CACNA1B: variants seen among roughly 807,000 people sequenced by gnomAD.
CACNA1B encodes calcium voltage-gated channel subunit alpha1 B.
A neutral mutation model predicts 247.2 loss-of-function variants in CACNA1B; 70 were observed. The observed-to-expected ratio is 0.28, with a 90% CI of 0.23 to 0.35. CACNA1B has a LOEUF of 0.35. CACNA1B is among the 10% of genes least tolerant of loss of function. CACNA1B has a pLI of 1.00. For missense variants in CACNA1B, 2,367 were observed against 3,197.4 expected, an observed-to-expected ratio of 0.74 and a Z score of 6.26; for synonymous variants, 1,231 against 1,294.4, an observed-to-expected ratio of 0.95 and a Z score of 1.05.
intron 24 of CACNA1B, among the ~76,000 whole-genome samples, chr9:138,049,681 G>A (rs2133484825): frequency 6.6e-6 from 1 of 152,322 alleles, no homozygotes; most frequent in African/African-American, 2.4e-5. Flanking sequence ...AGGGTCCTTG[G>A]AGGCAACTTC....
At chr9:137,894,322 T>C (rs1329566011) in intron 3 of CACNA1B, among the ~76,000 whole-genome samples, 2 of 150,814 alleles carry the variant, frequency 1.3e-5, no homozygotes, top group African/African-American at 2.5e-5. Context: ...TTTTTTTTTT[T>C]TTGATTCTGA....
At chr9:137,903,111 C>A (rs751328184) in intron 3 of CACNA1B, among the ~76,000 whole-genome samples, 2 of 152,150 alleles carry the variant, frequency 1.3e-5, no homozygotes, top group African/African-American at 2.4e-5. Context: ...AACTCTTCAC[C>A]GGTGGCTCAC....
chr9:138,032,012 G>A (rs1024204230), intron 20 of CACNA1B, among the ~76,000 whole-genome samples: 1 of 151,756 alleles, frequency 6.6e-6, no homozygotes, highest in African/African-American at 2.4e-5. Context: ...GATATATTAG[G>A]GCTTAAGTCT....
chr9:138,088,506 T>C (rs1960774946), intron 36 of CACNA1B, among the ~76,000 whole-genome samples: 1 of 152,060 alleles, frequency 6.6e-6, no homozygotes, highest in South Asian at 2.1e-4. Flanking sequence ...AAAGGATCAT[T>C]AGTGACTATT....
At chr9:138,066,754 GAAA>G (rs1433467771) in intron 31 of CACNA1B, among the ~76,000 whole-genome samples, 25 of 152,168 alleles carry the variant, frequency 1.6e-4, no homozygotes, top group African/African-American at 4.6e-4. Context: ...TACTCAGAAA[GAAA>G]TTTACAGCCT....
rs1960156325 is a variant in CACNA1B at position 138,072,183 on chromosome 9, T to G, written c.4675-1305T>G. On this transcript the variant is annotated intron_variant, in intron 32 of 46. Coordinates refer to ENST00000371372, the MANE Select transcript of CACNA1B (RefSeq NM_000718.4). This position sits in a 1 kb window ranked among gnomAD's most constrained non-coding sequence, Gnocchi z 4.5. ...TCCTTGTGCCCACTGGCCATGGATATCATTCAAAACCAGTCCTGCTCCCAC... is the reference window on the plus strand; with the variant it reads ...TCCTTGTGCCCACTGGCCATGGATAGCATTCAAAACCAGTCCTGCTCCCAC... Among the ~76,000 whole-genome samples the G allele has an allele frequency of 6.6e-6, 1 of 152,184 alleles. No homozygotes were observed.
At chr9:137,945,443 G>A (rs989417208) in intron 6 of CACNA1B, among the ~76,000 whole-genome samples, 4 of 152,246 alleles carry the variant, frequency 2.6e-5, no homozygotes, top group African/African-American at 4.8e-5. Context: ...TGTCAGATAT[G>A]TCTGACCTTA....
Position 138,073,506 on chromosome 9 carries a change from A to G in CACNA1B, c.4693A>G (p.Ser1565Gly), listed in dbSNP as rs746571839. 1 of 1,611,912 alleles carries G rather than the reference A, an allele frequency of 6.2e-7. No individual in the cohort carries two copies. Among genetic ancestry groups the G allele is most frequent in the South Asian group, 1.1e-5 (1 of 91,012 alleles). Residue 1565 changes from serine to glycine, a missense_variant, in exon 33 of 47, where the codon AGC becomes GGC. By Grantham distance (56) the Ser-to-Gly change is moderately conservative (BLOSUM62 0). This residue lies in a region of CACNA1B where 436 missense variants were observed against 679.5 expected (regional missense o/e 0.64). Transcript: ENST00000371372. The surrounding 1 kb of genome is among the most constrained non-coding windows in gnomAD (Gnocchi z 6.4). ...IAETNNFINL[S>G]FLRLFRAARL... The stretch of plus-strand genomic sequence containing the variant: ...TCTGCAGAACAATTTCATCAACCTC[A>G]GCTTCCTCCGCCTCTTTCGAGCTGC...
chr9:138,094,605 C>T (rs1465737311), intron 36 of CACNA1B, among the ~76,000 whole-genome samples: 1 of 152,124 alleles, frequency 6.6e-6, no homozygotes, highest in African/African-American at 2.4e-5. Context: ...ACTTATATCC[C>T]TTATGAATAT....
intron 15 of CACNA1B, among the ~76,000 whole-genome samples, chr9:137,996,397 G>T (rs545450659): frequency 6.6e-6 from 1 of 152,222 alleles, no homozygotes; most frequent in Non-Finnish European, 1.5e-5. Flanking sequence ...TATTGTAAGT[G>T]AAGTAAGTCA....
intron 39 of CACNA1B, among the ~76,000 whole-genome samples, chr9:138,109,665 A>G (rs1961554699): frequency 6.6e-6 from 1 of 152,218 alleles, no homozygotes; most frequent in Non-Finnish European, 1.5e-5. Flanking sequence ...CTACATGTGG[A>G]CTGGAGTTGG....
Position 138,088,959 on chromosome 9 carries a change from CAAAAAAAAAAAAAAA to C in CACNA1B, c.5095-7504_5095-7490del, listed in dbSNP as rs56112600. On this transcript the variant is annotated intron_variant, in intron 36 of 46. Transcript: ENST00000371372. ...GGACAACAAGAGCAAAACTCCGTCTCAAAAAAAAAAAAAAAAAAAAAAAAAAAAAAAAAAATCCCA... is the reference window on the plus strand; with the variant it reads ...GGACAACAAGAGCAAAACTCCGTCTCAAAAAAAAAAAAAAAAAAAATCCCA... Among the ~76,000 whole-genome samples, 433 of 61,428 alleles carry C rather than the reference CAAAAAAAAAAAAAAA, an allele frequency of 7.0e-3. 9 individuals carry two copies. The highest frequency in any genetic ancestry group is 0.011 in the Admixed American group (38 of 3,326). 40.3% of individuals were successfully genotyped at this position (61,428 alleles called of 152,430 possible).
intron 20 of CACNA1B, among the ~76,000 whole-genome samples, chr9:138,032,495 A>G (rs537082384): frequency 6.6e-6 from 1 of 151,858 alleles, no homozygotes; most frequent in South Asian, 2.1e-4. Flanking sequence ...TGATATTCCA[A>G]TATTTCTTCT....
At chr9:138,016,141 TACAC>T (rs1305232976) in intron 18 of CACNA1B, among the ~76,000 whole-genome samples, 1 of 151,984 alleles carries the variant, frequency 6.6e-6, no homozygotes, top group Non-Finnish European at 1.5e-5. Context: ...GTCAATCACA[TACAC>T]ACATAATCTC....
intron 31 of CACNA1B, among the ~76,000 whole-genome samples, chr9:138,062,870 A>G (rs1959778467): frequency 6.6e-6 from 1 of 152,220 alleles, no homozygotes; most frequent in Non-Finnish European, 1.5e-5. Context: ...GTCTTGAGTC[A>G]CAGCAGTATT....
rs764568647 is a variant in CACNA1B, at chr9:138,058,523, T to G, written c.4309-46T>G. On this transcript the variant is annotated intron_variant, in intron 28 of 46. Coordinates refer to ENST00000371372, the MANE Select transcript of CACNA1B (RefSeq NM_000718.4). The surrounding 1 kb of genome is among the most constrained non-coding windows in gnomAD (Gnocchi z 4.7). ...GCTGGGTGCAGTAGATGCCGTCGGG[T>G]AGGTTTTCTGCTTCTGAGTCTCTGT... 3.9e-6 allele frequency: 6 copies of G among 1,556,946 alleles called. No individual in the cohort carries two copies. The highest frequency in any genetic ancestry group is 4.4e-6 in the Non-Finnish European group (5 of 1,147,640).
chr9:138,026,951 G>A (rs947132226), intron 20 of CACNA1B, among the ~76,000 whole-genome samples: 2 of 152,182 alleles, frequency 1.3e-5, no homozygotes, highest in African/African-American at 4.8e-5. Context: ...CAGTGTTTTG[G>A]ATTTGAGTTA....
At position 138,075,854 on chromosome 9, in the gene CACNA1B, C is replaced by T. The variant is rs780175377; in HGVS notation, c.4893C>T (p.Ser1631=). The change falls in exon 35 of 47, where the codon AGC becomes AGT. Residue 1631 remains serine (S), a synonymous_variant. Coordinates refer to ENST00000371372, the MANE Select transcript of CACNA1B (RefSeq NM_000718.4). ...FGNIALDDDT[S]INRHNNFRTF... is the part of the protein sequence containing the mutation. The stretch of plus-strand genomic sequence containing the variant: ...ATATTGCCCTGGATGATGACACCAG[C>T]ATCAACCGCCACAACAACTTCCGGA... 1 of 1,608,750 alleles carries T rather than the reference C, an allele frequency of 6.2e-7. No individual in the cohort carries two copies. The highest frequency in any genetic ancestry group is 1.7e-5 in the Admixed American group (1 of 59,898).
chr9:138,024,960 C>T lies in CACNA1B; in HGVS notation c.3074C>T (p.Pro1025Leu). The T allele has an allele frequency of 1.7e-5, 26 of 1,573,930 alleles. No individual in the cohort carries two copies. Among genetic ancestry groups the T allele is most frequent in the Non-Finnish European group, 2.2e-5 (26 of 1,159,364 alleles). The change falls in exon 20 of 47, where the codon CCA becomes CTA. Residue 1025 changes from proline to leucine, a missense_variant. Pro to Leu is a moderately conservative substitution (Grantham distance 98). Around this residue, in one of 12 missense-constraint regions of CACNA1B, gnomAD observed 631 missense variants for 631.1 expected, o/e 1.00. Transcript: ENST00000371372. Reference sequence around the variant, plus strand: ...ATGTACATTCTTGATTGCAGGGAGCCACACTGTGACCTGGAGACCAGTGGG... The same window carrying T: ...ATGTACATTCTTGATTGCAGGGAGCTACACTGTGACCTGGAGACCAGTGGG... Reference protein sequence around the residue: ...KELRNHQPREPHCDLETSGTV... With the variant: ...KELRNHQPRELHCDLETSGTV...
Sources: allele counts gnomAD v4.1 joint callset (sites outside exome capture counted in the v4.1 genomes callset), GRCh38; gene constraint gnomAD v4.1.1; regional missense constraint gnomAD v4.1.1; non-coding constraint Gnocchi (gnomAD v3.1); transcripts MANE v1.5; gene names NCBI Gene and HGNC (gene_info 2026-07-23, HGNC 2026-07-21).